MAD1L1: variants seen among roughly 807,000 people sequenced by gnomAD.
MAD1L1 encodes the protein mitotic spindle assembly checkpoint protein MAD1.
MAD1L1 carries 95 observed loss-of-function variants against 96.9 expected under a neutral mutation model. The observed-to-expected ratio is 0.98, with a 90% CI of 0.83 to 1.16. The LOEUF is 1.16. MAD1L1 is among the 50% of genes most tolerant of loss of function. The pLI is 0.00. For synonymous variants in MAD1L1, 473 were observed against 396.6 expected (o/e 1.19, Z -2.29); for missense variants, 1,007 against 954.4 (o/e 1.06, Z -0.73).
intron 17 of MAD1L1, among the ~76,000 whole-genome samples, chr7:1,915,309 G>C (rs1000864390): frequency 6.6e-6 from 1 of 152,216 alleles, no homozygotes; most frequent in African/African-American, 2.4e-5. Flanking sequence ...AGCCGGGAGG[G>C]ACGGGGAGAT....
At chr7:2,053,307 G>A (rs1203745950) in intron 12 of MAD1L1, among the ~76,000 whole-genome samples, 2 of 152,160 alleles carry the variant, frequency 1.3e-5, no homozygotes, top group Non-Finnish European at 2.9e-5. Context: ...CCGGGCGGGG[G>A]CAGAGCACAG....
intron 13 of MAD1L1, among the ~76,000 whole-genome samples, chr7:2,008,351 C>G (rs1381815040): frequency 6.6e-6 from 1 of 152,182 alleles, no homozygotes; most frequent in African/African-American, 2.4e-5. Flanking sequence ...GTGGAAACAC[C>G]CTGGACAGTG....
At chr7:1,879,326 G>A (rs545250601) in intron 18 of MAD1L1, among the ~76,000 whole-genome samples, 6 of 152,114 alleles carry the variant, frequency 3.9e-5, no homozygotes, top group African/African-American at 1.4e-4. Context: ...GTGGTGGCAG[G>A]CGCCTGTAAT....
intron 12 of MAD1L1, among the ~76,000 whole-genome samples, chr7:2,031,147 G>T (rs1783207455): frequency 6.6e-6 from 1 of 152,194 alleles, no homozygotes; most frequent in South Asian, 2.1e-4. Flanking sequence ...GCAGCAGGAG[G>T]CTGAACACCA....
chr7:2,210,999 G>A lies in MAD1L1; in HGVS notation c.986+2213C>T, dbSNP rs192129004. Among the ~76,000 whole-genome samples, 29 of 152,350 alleles carry A rather than the reference G, an allele frequency of 1.9e-4. 1 individual carries two copies. Among genetic ancestry groups the A allele is most frequent in the Admixed American group, 9.1e-4 (14 of 15,314 alleles). On this transcript the variant is annotated intron_variant, in intron 10 of 18. Transcript: ENST00000265854. The stretch of plus-strand genomic sequence containing the variant: ...AAAGAGAACACTGGCCCAGAGCAGC[G>A]CAGTGACTTGACACAGGTCTTACTG...
chr7:1,875,147 C>G (rs1785316104), intron 18 of MAD1L1, among the ~76,000 whole-genome samples: 1 of 152,180 alleles, frequency 6.6e-6, no homozygotes, highest in African/African-American at 2.4e-5. Flanking sequence ...CCCCTGGCTG[C>G]CCCAGAGCCC....
intron 18 of MAD1L1, among the ~76,000 whole-genome samples, chr7:1,850,680 C>T (rs1783922446): frequency 6.6e-6 from 1 of 152,194 alleles, no homozygotes; most frequent in Non-Finnish European, 1.5e-5. Context: ...CAGAGGGGAA[C>T]AGGCACCCCA....
chr7:1,910,962 G>A (rs1196225379), intron 17 of MAD1L1, among the ~76,000 whole-genome samples: 9 of 152,300 alleles, frequency 5.9e-5, no homozygotes, highest in East Asian at 1.9e-4. Context: ...CACCCATCCC[G>A]TGACCGGAGG....
At chr7:1,846,016 A>C (rs1389978963) in intron 18 of MAD1L1, 1 of 152,734 alleles carries the variant, frequency 6.5e-6, no homozygotes, top group Admixed American at 6.5e-5. Flanking sequence ...GACCAGGGAG[A>C]TGTGCACATG....
chr7:2,162,264 G>A (rs1347540575), intron 10 of MAD1L1, among the ~76,000 whole-genome samples: 1 of 151,924 alleles, frequency 6.6e-6, no homozygotes, highest in Non-Finnish European at 1.5e-5. Flanking sequence ...TCTGCCTTGG[G>A]ATGCTGTTAA....
intron 12 of MAD1L1, among the ~76,000 whole-genome samples, chr7:2,018,513 C>G (rs1232236206): frequency 1.3e-5 from 2 of 152,164 alleles, no homozygotes; most frequent in South Asian, 2.1e-4. Flanking sequence ...TGGCCATGGC[C>G]ACGCCTGGTG....
At chr7:2,069,612 A>G (rs1785032681) in intron 11 of MAD1L1, among the ~76,000 whole-genome samples, 1 of 152,268 alleles carries the variant, frequency 6.6e-6, no homozygotes, top group African/African-American at 2.4e-5. Flanking sequence ...TCGGCGACGC[A>G]GCCCTTCAGG....
At position 1,961,900 on chromosome 7, in the gene MAD1L1, T is replaced by C. The variant is rs191611141; in HGVS notation, c.1506-4181A>G. On this transcript the variant is annotated intron_variant, in intron 15 of 18. Transcript: ENST00000265854. The stretch of plus-strand genomic sequence containing the variant: ...GAGGGACATGGTGGGAGATAATGAA[T>C]CACAGGGCGGTTTCCCCCATACCAT... 7.3e-5 allele frequency among the ~76,000 whole-genome samples: 11 copies of C among 150,706 alleles called. No homozygotes were observed. The East Asian group carries it at 2.1e-3, about 29-fold the overall frequency.
chr7:2,075,727 G>C (rs531984968), intron 11 of MAD1L1, among the ~76,000 whole-genome samples: 1 of 152,154 alleles, frequency 6.6e-6, no homozygotes, highest in Non-Finnish European at 1.5e-5. Context: ...TAAGAATACC[G>C]ACTTTCAAGG....
chr7:1,891,210 T>TCC (rs1786517700), intron 18 of MAD1L1, among the ~76,000 whole-genome samples: 1 of 152,204 alleles, frequency 6.6e-6, no homozygotes, highest in African/African-American at 2.4e-5. Flanking sequence ...TGCTTGTGCT[T>TCC]TAAGCTAAGT....
intron 3 of MAD1L1, among the ~76,000 whole-genome samples, chr7:2,229,444 T>G (rs1261448143): frequency 6.6e-6 from 1 of 152,194 alleles, no homozygotes. Context: ...CCCAAGAACT[T>G]GTAATGAAAC....
intron 12 of MAD1L1, among the ~76,000 whole-genome samples, chr7:2,046,842 A>G (rs2128514666): frequency 6.6e-6 from 1 of 152,260 alleles, no homozygotes; most frequent in South Asian, 2.1e-4. Flanking sequence ...CCTCAGGTCT[A>G]AGGAGGAGGA....
chr7:2,047,331 T>C (rs1783970543), intron 12 of MAD1L1, among the ~76,000 whole-genome samples: 1 of 152,172 alleles, frequency 6.6e-6, no homozygotes, highest in South Asian at 2.1e-4. Flanking sequence ...GTGCCGATGA[T>C]TGCTTCCGTC....
At chr7:1,997,552 T>C (rs1274629070) in intron 14 of MAD1L1, among the ~76,000 whole-genome samples, 3 of 152,194 alleles carry the variant, frequency 2.0e-5, no homozygotes, top group Admixed American at 1.3e-4. Flanking sequence ...TCCTCCACCA[T>C]AAAATGAAAA....
Sources: allele counts gnomAD v4.1 joint callset (sites outside exome capture counted in the v4.1 genomes callset), GRCh38; gene constraint gnomAD v4.1.1; transcripts MANE v1.5; gene names NCBI Gene and HGNC (gene_info 2026-07-23, HGNC 2026-07-21).